PKIG: variants seen among roughly 807,000 people sequenced by gnomAD.
The protein encoded by PKIG is cAMP-dependent protein kinase inhibitor gamma, also known as protein kinase (cAMP-dependent, catalytic) inhibitor gamma.
In PKIG, 1 loss-of-function variant was observed where a neutral mutation model predicts 6.8. The observed-to-expected ratio is 0.15, with a 90% CI of 0.05 to 0.69. The LOEUF (loss-of-function observed/expected upper bound fraction) is 0.69, where lower values mean the gene tolerates loss of function less well. Among genes scored for constraint, PKIG ranks in the 30% least tolerant of loss-of-function variants. The pLI is 0.82. For missense variants in PKIG, 77 were observed against 104.0 expected (o/e 0.74, Z 1.13); for synonymous variants, 39 against 43.0 (o/e 0.91, Z 0.36).
chr20:44,547,858 T>C (rs146465092), intron 1 of PKIG, among the ~76,000 whole-genome samples: 1 of 152,060 alleles, frequency 6.6e-6, no homozygotes, highest in Non-Finnish European at 1.5e-5. Flanking sequence ...AACATGGTGT[T>C]GGTTTTAATG....
intron 2 of PKIG, among the ~76,000 whole-genome samples, chr20:44,603,706 TC>T (rs2065141136): frequency 6.6e-6 from 1 of 152,216 alleles, no homozygotes; most frequent in African/African-American, 2.4e-5. Flanking sequence ...TCGGTTAGAT[TC>T]TACAACAACT....
chr20:44,534,769 T>C (rs1376544890), intron 1 of PKIG, among the ~76,000 whole-genome samples: 1 of 152,014 alleles, frequency 6.6e-6, no homozygotes, highest in East Asian at 1.9e-4. Flanking sequence ...GCGCCCGGCC[T>C]CATGCACCGT....
intron 1 of PKIG, among the ~76,000 whole-genome samples, chr20:44,573,044 A>G (rs1456502450): frequency 6.6e-6 from 1 of 152,206 alleles, no homozygotes; most frequent in Non-Finnish European, 1.5e-5. Flanking sequence ...TTCTTTTTTC[A>G]GGGCAGAGGC....
intron 1 of PKIG, among the ~76,000 whole-genome samples, chr20:44,565,848 C>T (rs1340485463): frequency 2.6e-5 from 4 of 152,144 alleles, no homozygotes; most frequent in East Asian, 1.9e-4. Context: ...CTACAACCTC[C>T]GCCTCCCGGG....
chr20:44,596,502 A>G (rs984836436), intron 2 of PKIG, among the ~76,000 whole-genome samples: 1 of 151,570 alleles, frequency 6.6e-6, no homozygotes, highest in East Asian at 2.0e-4. Context: ...TGTGGGCCAG[A>G]GGTACGGATG....
intron 1 of PKIG, among the ~76,000 whole-genome samples, chr20:44,537,883 G>C (rs2064527192): frequency 6.6e-6 from 1 of 152,066 alleles, no homozygotes; most frequent in African/African-American, 2.4e-5. Flanking sequence ...ACTGCACCCA[G>C]CCATCCTGTA....
chr20:44,569,147 ATGT>A (rs1260492870), intron 1 of PKIG, among the ~76,000 whole-genome samples: 2 of 152,184 alleles, frequency 1.3e-5, no homozygotes, highest in East Asian at 3.8e-4. Context: ...CCCTTTAGGA[ATGT>A]TGTACCGTTT....
At chr20:44,558,574 T>TTTCTTTCTTTC (rs2064736616) in intron 1 of PKIG, among the ~76,000 whole-genome samples, 13 of 132,002 alleles carry the variant, frequency 9.8e-5, no homozygotes, top group Admixed American at 1.6e-4. Flanking sequence ...TTTTTTTCTT[T>TTTCTTTCTTTC]TTTCTTTCTT....
intron 1 of PKIG, among the ~76,000 whole-genome samples, chr20:44,566,317 A>G (rs939222434): frequency 6.6e-6 from 1 of 152,226 alleles, no homozygotes; most frequent in African/African-American, 2.4e-5. Flanking sequence ...CTTACTGTCT[A>G]TCCACTTACA....
At position 44,547,242 on chromosome 20, in the gene PKIG, G is replaced by T. The variant is rs142906179; in HGVS notation, c.-241+15264G>T. On this transcript the variant is annotated intron_variant, in intron 1 of 4. Transcript: ENST00000372887. Reference sequence around the variant, plus strand: ...TAGCCTTTTCAATAGCTTACATTCCGTGTTGGAGCAAAAAATGTTAAATGT... The same window carrying T: ...TAGCCTTTTCAATAGCTTACATTCCTTGTTGGAGCAAAAAATGTTAAATGT... 1.6e-4 allele frequency among the ~76,000 whole-genome samples: 25 copies of T among 152,252 alleles called. No individual in the cohort carries two copies. In the East Asian group the frequency reaches 4.6e-3, roughly 28 times the overall value.
chr20:44,573,275 C>T (rs1298691383), intron 1 of PKIG, among the ~76,000 whole-genome samples: 4 of 152,134 alleles, frequency 2.6e-5, no homozygotes, highest in African/African-American at 9.7e-5. Context: ...AATGTCTCCC[C>T]CTCTCTCTCT....
chr20:44,575,749 A>G (rs2064891473), intron 1 of PKIG, among the ~76,000 whole-genome samples: 1 of 152,178 alleles, frequency 6.6e-6, no homozygotes, highest in Non-Finnish European at 1.5e-5. Context: ...TTATTTAAAG[A>G]GGCCTCCTGT....
chr20:44,560,416 G>T (rs1013599081), intron 1 of PKIG, among the ~76,000 whole-genome samples: 2 of 152,158 alleles, frequency 1.3e-5, no homozygotes, highest in African/African-American at 2.4e-5. Flanking sequence ...AAGCCACAAA[G>T]TGTCACACCA....
intron 2 of PKIG, among the ~76,000 whole-genome samples, chr20:44,613,259 G>A (rs763605515): frequency 8.5e-5 from 13 of 152,218 alleles, no homozygotes; most frequent in Middle Eastern, 3.4e-3. Context: ...TCTGCCTCCC[G>A]GGTTCATGCC....
intron 1 of PKIG, among the ~76,000 whole-genome samples, chr20:44,559,547 CACTGTCAGGAATA>C: frequency 6.6e-6 from 1 of 152,322 alleles, no homozygotes. Flanking sequence ...TGCCCTTGGA[CACTGTCAGGAATA>C]AATTCCAACT....
upstream of PKIG, among the ~76,000 whole-genome samples, chr20:44,581,506 A>G (rs1396636942): frequency 2.0e-5 from 3 of 152,160 alleles, no homozygotes; most frequent in Non-Finnish European, 2.9e-5. Context: ...CTCGCTCCCC[A>G]TTGTACACGA....
chr20:44,589,604 G>A (rs958434640), intron 1 of PKIG, among the ~76,000 whole-genome samples, 193 bp from the exon 2 acceptor site: 22 of 151,974 alleles, frequency 1.4e-4, no homozygotes, highest in African/African-American at 5.3e-4. Context: ...TTTTACTTAG[G>A]TAAATATATC....
Position 44,612,874 on chromosome 20 carries a change from G to A in PKIG, c.-23-1660G>A, listed in dbSNP as rs148160098. On this transcript the variant is annotated intron_variant, in intron 2 of 3. Transcript: ENST00000372886. ...ATAAAGTCCCAGTGCTGTGTGTGGCGGTAGAAAACAGGGAAGTACCTCTGT... is the reference window on the plus strand; with the variant it reads ...ATAAAGTCCCAGTGCTGTGTGTGGCAGTAGAAAACAGGGAAGTACCTCTGT... Among the ~76,000 whole-genome samples the A allele has an allele frequency of 2.8e-4, 43 of 152,242 alleles. No individual in the cohort carries two copies. In the East Asian group the frequency reaches 7.3e-3, roughly 26 times the overall value.
chr20:44,568,351 C>A (rs2064826905), intron 1 of PKIG, among the ~76,000 whole-genome samples: 2 of 151,732 alleles, frequency 1.3e-5, no homozygotes, highest in Non-Finnish European at 2.9e-5. Context: ...TAAAAATTAC[C>A]CACAGTGTCA....
Sources: allele counts gnomAD v4.1 joint callset (sites outside exome capture counted in the v4.1 genomes callset), GRCh38; gene constraint gnomAD v4.1.1; transcripts MANE v1.5; gene names NCBI Gene and HGNC (gene_info 2026-07-23, HGNC 2026-07-21).